The following FIRRM variants were observed in gnomAD, a reference collection of about 807,000 sequenced individuals.
FIRRM encodes the protein FIGNL1-interacting regulator of recombination and mitosis.
chr1:169,795,277 T>A, the FIRRM span: 5 of 1,502,424 alleles, frequency 3.3e-6, no homozygotes, highest in Non-Finnish European at 4.5e-6. Context: ...AACCTTTCTC[T>A]TCTGTCCCTT....
the FIRRM span, chr1:169,783,924 C>T: frequency 6.6e-6 from 1 of 152,262 alleles, no homozygotes; most frequent in Non-Finnish European, 1.5e-5. Context: ...TAGCTGAGCC[C>T]ACAGGTGTGT....
At chr1:169,850,790 T>A in the FIRRM span, 1 of 156,908 alleles carries the variant, frequency 6.4e-6, no homozygotes, top group Admixed American at 6.1e-5. Context: ...AGTGAGACTG[T>A]CTCAAAAAAG....
the FIRRM span, chr1:169,804,076 A>G: frequency 6.8e-7 from 1 of 1,460,158 alleles, no homozygotes; most frequent in Non-Finnish European, 9.1e-7. Flanking sequence ...CGTAATCAGA[A>G]TAGTGAATCT....
At chr1:169,808,031 T>A in the FIRRM span, 2 of 1,130,012 alleles carry the variant, frequency 1.8e-6, no homozygotes, top group Non-Finnish European at 2.5e-6. Flanking sequence ...AAGAGGATTT[T>A]AATTTATTTC....
At chr1:169,849,524 T>C in the FIRRM span, 1 of 1,614,010 alleles carries the variant, frequency 6.2e-7, no homozygotes, top group Non-Finnish European at 8.5e-7. Context: ...CAACCTGTCC[T>C]GTATGTTTGC....
At chr1:169,789,619 A>G in the FIRRM span, among the ~76,000 whole-genome samples, 77 of 152,346 alleles carry the variant, frequency 5.1e-4, no homozygotes, top group African/African-American at 1.8e-3. Flanking sequence ...ACTCTTCTTC[A>G]TCCTAAATAA....
chr1:169,797,861 T>C, the FIRRM span, among the ~76,000 whole-genome samples: 2 of 152,318 alleles, frequency 1.3e-5, no homozygotes, highest in South Asian at 4.1e-4. Context: ...ATTTTTCTTA[T>C]TAACATTCTT....
At chr1:169,788,164 AG>A in the FIRRM span, among the ~76,000 whole-genome samples, 2 of 152,320 alleles carry the variant, frequency 1.3e-5, no homozygotes, top group East Asian at 3.9e-4. Flanking sequence ...TCTATTGTAA[AG>A]GCTTAAAATA....
chr1:169,785,676 T>C, the FIRRM span, among the ~76,000 whole-genome samples: 1 of 152,108 alleles, frequency 6.6e-6, no homozygotes, highest in Non-Finnish European at 1.5e-5. Context: ...ATTTGGGGTT[T>C]ATATGGTACA....
the FIRRM span, chr1:169,804,353 T>A: frequency 1.1e-6 from 1 of 889,076 alleles, no homozygotes; most frequent in Admixed American, 3.2e-5. Context: ...TAAAATTGAT[T>A]TAAATCTTAC....
chr1:169,822,136 G>A, the FIRRM span, among the ~76,000 whole-genome samples: 9 of 152,140 alleles, frequency 5.9e-5, no homozygotes, highest in African/African-American at 2.2e-4. Context: ...ACAACTACCC[G>A]TCAAGTGCCA....
chr1:169,837,045 C>T, the FIRRM span: 33 of 1,612,870 alleles, frequency 2.0e-5, no homozygotes, highest in Admixed American at 5.4e-4. Context: ...GAGGTCACCA[C>T]AGTAGGCACT....
chr1:169,823,497 T>G, the FIRRM span: 1 of 1,490,508 alleles, frequency 6.7e-7, no homozygotes, highest in Non-Finnish European at 9.3e-7. Flanking sequence ...ATATGATTAT[T>G]AAGATACAAC....
the FIRRM span, among the ~76,000 whole-genome samples, chr1:169,825,432 A>G: frequency 6.6e-6 from 1 of 152,206 alleles, no homozygotes. Context: ...AACTATAAAG[A>G]CAGTGACTTT....
chr1:169,822,755 C>T, the FIRRM span, among the ~76,000 whole-genome samples: 1 of 152,104 alleles, frequency 6.6e-6, no homozygotes, highest in African/African-American at 2.4e-5. Context: ...CTGCCCTGCC[C>T]TCCCAAAATG....
chr1:169,845,253 A>G, the FIRRM span, among the ~76,000 whole-genome samples: 10 of 152,228 alleles, frequency 6.6e-5, no homozygotes, highest in African/African-American at 2.4e-4. Context: ...GTACATAATT[A>G]AAAAACACTT....
the FIRRM span, among the ~76,000 whole-genome samples, chr1:169,810,313 T>C: frequency 2.0e-5 from 3 of 152,334 alleles, no homozygotes; most frequent in Admixed American, 2.0e-4. Context: ...AAGCATGTGA[T>C]GTATCATTCC....
chr1:169,827,623 G>A, the FIRRM span: 4 of 1,445,436 alleles, frequency 2.8e-6, no homozygotes, highest in Non-Finnish European at 1.9e-6. Flanking sequence ...GGGTGACAGA[G>A]TGAGACTCTG....
chr1:169,796,166 G>T, the FIRRM span, among the ~76,000 whole-genome samples: 3 of 152,322 alleles, frequency 2.0e-5, no homozygotes, highest in East Asian at 3.9e-4. Flanking sequence ...ATCTCAGAAG[G>T]TGCCAAAGCC....
Sources: gnomAD v4.1 joint callset for allele counts (sites outside exome capture counted in the v4.1 genomes callset) on GRCh38, gnomAD v4.1.1 for gene constraint, MANE v1.5 for transcripts, NCBI Gene and HGNC (gene_info 2026-07-23, HGNC 2026-07-21) for gene names.